The following COBLL1 variants were observed in gnomAD, a reference collection of about 807,000 sequenced individuals.
The protein encoded by COBLL1 is cordon-bleu WH2 repeat protein like 1.
Under a neutral mutation model 94.8 loss-of-function variants are expected in COBLL1, and 50 were observed. The ratio of observed to expected loss-of-function variants is 0.53; its 90% CI spans 0.42 to 0.67. The LOEUF is 0.67. Ranked by LOEUF, COBLL1 falls within the 30% of genes least tolerant of loss-of-function variation. The pLI is 0.00. For synonymous variants in COBLL1, 448 were observed against 473.8 expected (o/e 0.95, Z 0.71); for missense variants, 1,362 against 1,348.7 (o/e 1.01, Z -0.15).
At chr2:164,798,216 CCTT>C (rs1683570504) in intron 2 of COBLL1, among the ~76,000 whole-genome samples, 1 of 152,158 alleles carries the variant, frequency 6.6e-6, no homozygotes, top group Non-Finnish European at 1.5e-5. Flanking sequence ...GGAGTTTGTT[CCTT>C]CTTTAAAATA....
chr2:164,728,313 T>A (rs1490507697), intron 4 of COBLL1, 116 bp from the exon 5 acceptor site: 10 of 630,940 alleles, frequency 1.6e-5, no homozygotes, highest in East Asian at 1.1e-4. Context: ...TAAACAGTAC[T>A]TTCCTATTTG....
chr2:164,791,831 T>C (rs960434422), intron 2 of COBLL1, among the ~76,000 whole-genome samples: 54 of 151,714 alleles, frequency 3.6e-4, no homozygotes, highest in South Asian at 4.1e-4. Context: ...CTGCTCCAAA[T>C]TGCCAACCTT....
At chr2:164,823,086 A>T (rs889772413) in intron 2 of COBLL1, among the ~76,000 whole-genome samples, 4 of 152,188 alleles carry the variant, frequency 2.6e-5, no homozygotes, top group African/African-American at 9.6e-5. Flanking sequence ...CATTTCAGAG[A>T]TTTGGACTTT....
intron 2 of COBLL1, among the ~76,000 whole-genome samples, chr2:164,758,859 T>A (rs533365273): frequency 6.6e-6 from 1 of 152,124 alleles, no homozygotes; most frequent in African/African-American, 2.4e-5. Flanking sequence ...TATCTGTGGA[T>A]TTTTTAAAAT....
chr2:164,674,918 TA>T (rs1691311662), intron 1 of COBLL1, among the ~76,000 whole-genome samples: 1 of 152,246 alleles, frequency 6.6e-6, no homozygotes, highest in Non-Finnish European at 1.5e-5. Flanking sequence ...CATACCCTTT[TA>T]AATGAAGCAA....
chr2:164,798,731 G>A (rs1439175595), intron 2 of COBLL1, among the ~76,000 whole-genome samples: 1 of 152,100 alleles, frequency 6.6e-6, no homozygotes, highest in Non-Finnish European at 1.5e-5. Context: ...TTAAGAGGGG[G>A]TAAGCAGGCT....
chr2:164,752,727 C>T (rs753943739), intron 2 of COBLL1, among the ~76,000 whole-genome samples: 24 of 152,110 alleles, frequency 1.6e-4, no homozygotes, highest in Non-Finnish European at 3.1e-4. Flanking sequence ...TACCCATACC[C>T]CAGCCCTACC....
chr2:164,679,742 T>C (rs1425966351), downstream of COBLL1, among the ~76,000 whole-genome samples: 4 of 120,286 alleles, frequency 3.3e-5, no homozygotes, highest in East Asian at 2.3e-4. Context: ...TGAGAACACA[T>C]GGACACAGGG....
intron 13 of COBLL1, chr2:164,687,213 CT>C (rs879090827): frequency 0.12 from 39,457 of 334,462 alleles, 1 homozygote; most frequent in East Asian, 0.15. Context: ...GACTTTCTTT[CT>C]TTTTTTTTTT....
intron 2 of COBLL1, among the ~76,000 whole-genome samples, chr2:164,800,169 A>C (rs991254488): frequency 6.6e-6 from 1 of 152,228 alleles, no homozygotes; most frequent in African/African-American, 2.4e-5. Context: ...AATATTTCCA[A>C]ATCACATATC....
intron 2 of COBLL1, among the ~76,000 whole-genome samples, chr2:164,760,891 C>T (rs891419933): frequency 6.6e-5 from 10 of 152,086 alleles, no homozygotes; most frequent in Admixed American, 1.3e-4. Flanking sequence ...AGGTAATATA[C>T]GCTGATAATC....
In COBLL1 at chr2:164,695,353, T is replaced by C. The variant is rs143836010; in HGVS notation, c.2039A>G (p.His680Arg). ...AGGAGGCAAAAGATCATCATTACCA[T>C]GTGCACAAATTGGATCTTTTACGGT... ...PLTVKDPICA[H>R]GNDDLLPPVD... is the part of the protein sequence containing the mutation. The change falls in exon 12 of 14, where the codon CAT becomes CGT. Residue 680 changes from histidine (H) to arginine (R), a missense_variant. Coordinates refer to ENST00000652658, the MANE Select transcript of COBLL1 (RefSeq NM_001365672.2). 23 of 1,613,882 alleles carry C rather than the reference T, an allele frequency of 1.4e-5. 1 individual carries two copies. The highest frequency in any genetic ancestry group is 9.9e-5 in the South Asian group (9 of 91,082).
At chr2:164,660,517 A>T (rs181049255) in intron 2 of COBLL1, among the ~76,000 whole-genome samples, 111 of 152,166 alleles carry the variant, frequency 7.3e-4, no homozygotes, top group Non-Finnish European at 1.5e-5. Flanking sequence ...AGAGGAGGAG[A>T]CTCACAAAGT....
intron 2 of COBLL1, among the ~76,000 whole-genome samples, chr2:164,824,706 CA>C (rs1446056339): frequency 7.2e-5 from 11 of 152,056 alleles, no homozygotes; most frequent in Admixed American, 2.0e-4. Flanking sequence ...GGCTGAAATG[CA>C]AGTCAATTGT....
chr2:164,780,337 T>C (rs1446432730), intron 2 of COBLL1, among the ~76,000 whole-genome samples: 1 of 152,162 alleles, frequency 6.6e-6, no homozygotes, highest in African/African-American at 2.4e-5. Flanking sequence ...TAAGAGGCCT[T>C]TGTAGTAAAC....
At chr2:164,771,454 G>C (rs1025964643) in intron 2 of COBLL1, among the ~76,000 whole-genome samples, 1 of 151,930 alleles carries the variant, frequency 6.6e-6, no homozygotes, top group African/African-American at 2.4e-5. Flanking sequence ...CATGATTAGA[G>C]TACCCCTATT....
intron 2 of COBLL1, among the ~76,000 whole-genome samples, chr2:164,658,652 C>T (rs1296405594): frequency 2.0e-5 from 3 of 152,132 alleles, no homozygotes; most frequent in African/African-American, 7.2e-5. Context: ...ATAATTTGGC[C>T]ATCTGATGGG....
intron 3 of COBLL1, 80 bp from the exon 4 acceptor site, chr2:164,730,195 T>C: frequency 8.1e-7 from 1 of 1,227,794 alleles, no homozygotes; most frequent in Non-Finnish European, 1.2e-6. Flanking sequence ...GATAAACAAG[T>C]CTACAAGATA....
intron 10 of COBLL1, 112 bp downstream of exon 10, chr2:164,700,410 T>G: frequency 1.5e-6 from 1 of 661,994 alleles, no homozygotes; most frequent in East Asian, 2.8e-5. Flanking sequence ...AAGGATAAAG[T>G]CAAAACCAAA....
Sources: allele counts gnomAD v4.1 joint callset (sites outside exome capture counted in the v4.1 genomes callset), GRCh38; gene constraint gnomAD v4.1.1; transcripts MANE v1.5; gene names NCBI Gene and HGNC (gene_info 2026-07-23, HGNC 2026-07-21).